INPP5D: variants seen among roughly 807,000 people sequenced by gnomAD.
The protein encoded by INPP5D is phosphatidylinositol 3,4,5-trisphosphate 5-phosphatase 1.
In INPP5D, 33 loss-of-function variants were observed where a neutral mutation model predicts 122.9. That is an observed-to-expected ratio of 0.27 (90% CI 0.20 to 0.36). The LOEUF (loss-of-function observed/expected upper bound fraction) is 0.36. Among genes scored for constraint, INPP5D ranks in the 10% least tolerant of loss-of-function variants. The probability of loss-of-function intolerance (pLI) is 1.00; values close to 1 mark genes in which losing one functional copy is unlikely to be tolerated. For synonymous variants in INPP5D, 584 were observed against 576.2 expected, an observed-to-expected ratio of 1.01 and a Z score of -0.19; for missense variants, 1,053 against 1,412.7, an observed-to-expected ratio of 0.75 and a Z score of 4.08.
At chr2:233,171,785 T>C (rs898385453) in intron 17 of INPP5D, among the ~76,000 whole-genome samples, 2 of 152,200 alleles carry the variant, frequency 1.3e-5, no homozygotes, top group African/African-American at 4.8e-5. Context: ...AAAACAGATA[T>C]GCAACTAGCT....
At chr2:233,186,714 T>C (rs1574796206) in intron 21 of INPP5D, among the ~76,000 whole-genome samples, 2 of 54,300 alleles carry the variant, frequency 3.7e-5, no homozygotes, top group African/African-American at 1.0e-4. Context: ...TTTTTTTTTT[T>C]TTTTTTTTTT....
chr2:233,189,794 G>C lies in INPP5D; in HGVS notation c.2359-56G>C. On this transcript the variant is annotated intron_variant, in intron 21 of 26. Transcript: ENST00000445964. The surrounding 1 kb of genome is among the most constrained non-coding windows in gnomAD (Gnocchi z 5.6). ...TCTTCATCCACTTGTCCACCCACCT[G>C]TCCCCTCACCTGTCCCTTGCCCATC... The C allele has an allele frequency of 1.3e-6, 2 of 1,589,808 alleles. No homozygotes were observed. Among genetic ancestry groups the C allele is most frequent in the Non-Finnish European group, 1.7e-6 (2 of 1,168,672 alleles).
chr2:233,203,558 G>A (rs1219751932), intron 25 of INPP5D, among the ~76,000 whole-genome samples: 1 of 152,076 alleles, frequency 6.6e-6, no homozygotes, highest in Non-Finnish European at 1.5e-5. Flanking sequence ...TTTCACTTGA[G>A]GTGAAATTCA....
At chr2:233,063,791 A>G (rs1038831958) in intron 1 of INPP5D, among the ~76,000 whole-genome samples, 2 of 152,244 alleles carry the variant, frequency 1.3e-5, no homozygotes, top group African/African-American at 4.8e-5. Context: ...TCTTTCAGCC[A>G]GGGGCTCTTC....
intron 5 of INPP5D, chr2:233,133,978 G>C (rs565467444): frequency 2.2e-6 from 1 of 456,394 alleles, no homozygotes; most frequent in Admixed American, 2.4e-5. Context: ...GGCTGGGGGC[G>C]TGCAGATGCT....
intron 19 of INPP5D, 116 bp from the exon 20 acceptor site, chr2:233,184,281 CCTCCCACTAGA>C (rs1412730763): frequency 1.5e-6 from 2 of 1,342,982 alleles, no homozygotes; most frequent in African/African-American, 1.5e-5. Flanking sequence ...CTTTAGTTCT[CCTCCCACTAGA>C]CTCCCACCTT....
chr2:233,070,442 G>GTTT (rs56101050), intron 1 of INPP5D, among the ~76,000 whole-genome samples: 2 of 141,652 alleles, frequency 1.4e-5, no homozygotes, highest in Non-Finnish European at 3.1e-5. Flanking sequence ...GATTCAGCAG[G>GTTT]TTTTTTTTTT....
intron 5 of INPP5D, among the ~76,000 whole-genome samples, chr2:233,132,346 A>T (rs1233252100): frequency 6.6e-6 from 1 of 152,128 alleles, no homozygotes. Flanking sequence ...CTAACACCTC[A>T]ACACTACCTG....
chr2:233,076,263 C>T (rs1333711852), intron 1 of INPP5D: 1 of 152,236 alleles, frequency 6.6e-6, no homozygotes, highest in African/African-American at 2.4e-5. Flanking sequence ...CAGAGTTGAG[C>T]TATCTCCACA....
intron 5 of INPP5D, among the ~76,000 whole-genome samples, chr2:233,136,601 A>G (rs1693472515): frequency 6.6e-6 from 1 of 152,246 alleles, no homozygotes; most frequent in Non-Finnish European, 1.5e-5. Context: ...AGCAAAGTAC[A>G]TGAAATGTTG....
At chr2:233,117,535 C>T (rs1371106337) in intron 2 of INPP5D, among the ~76,000 whole-genome samples, 1 of 152,156 alleles carries the variant, frequency 6.6e-6, no homozygotes, top group Non-Finnish European at 1.5e-5. Flanking sequence ...CACGGGAGGC[C>T]ACAGCGCCTG....
chr2:233,061,463 G>A (rs961172805), intron 1 of INPP5D, among the ~76,000 whole-genome samples: 2 of 152,134 alleles, frequency 1.3e-5, no homozygotes, highest in African/African-American at 4.8e-5. Flanking sequence ...CGGGGCCTCA[G>A]GCAGTGCCGG....
intron 20 of INPP5D, among the ~76,000 whole-genome samples, chr2:233,184,925 G>A (rs922143891): frequency 2.0e-5 from 3 of 151,768 alleles, no homozygotes; most frequent in African/African-American, 7.3e-5. Flanking sequence ...GCCTGTTGTC[G>A]CCCTGGCCCC....
intron 2 of INPP5D, among the ~76,000 whole-genome samples, chr2:233,106,937 C>T (rs1414058907): frequency 6.6e-6 from 1 of 152,180 alleles, no homozygotes; most frequent in Non-Finnish European, 1.5e-5. Context: ...TGTCAATTTT[C>T]CAGCCCTCCA....
intron 2 of INPP5D, among the ~76,000 whole-genome samples, chr2:233,101,173 T>G (rs149494847): frequency 6.6e-6 from 1 of 152,132 alleles, no homozygotes; most frequent in Non-Finnish European, 1.5e-5. Flanking sequence ...GACAACCAGT[T>G]CTCCAGGGAA....
chr2:233,189,871 C>A lies in INPP5D; in HGVS notation c.2380C>A (p.Pro794Thr). Reference protein sequence around the residue: ...LPKLKPIISDPEYLLDQHILI... With the variant: ...LPKLKPIISDTEYLLDQHILI... ...GCAGCTGAAGCCCATTATCTCTGAC[C>A]CTGAGTACCTGCTAGACCAGCACAT... Residue 794 changes from proline to threonine, a missense_variant, in exon 22 of 27, where the codon CCT becomes ACT. By Grantham distance (38) the Pro-to-Thr change is conservative. Coordinates refer to ENST00000445964, the MANE Select transcript of INPP5D (RefSeq NM_001017915.3). The surrounding 1 kb of genome is among the most constrained non-coding windows in gnomAD (Gnocchi z 5.6). The A allele has an allele frequency of 6.2e-7, 1 of 1,613,532 alleles. No individual in the cohort carries two copies. The highest frequency in any genetic ancestry group is 1.7e-5 in the Admixed American group (1 of 59,994).
At chr2:233,152,876 G>A (rs1449501182) in intron 9 of INPP5D, among the ~76,000 whole-genome samples, 1 of 148,140 alleles carries the variant, frequency 6.8e-6, no homozygotes, top group African/African-American at 2.5e-5. Context: ...GGGGGGTGTG[G>A]TGTGATTCCA....
chr2:233,147,646 C>T (rs148325359), intron 9 of INPP5D, 52 bp downstream of exon 9: 1 of 696,388 alleles, frequency 1.4e-6, no homozygotes, highest in African/African-American at 1.8e-5. Context: ...CTGTGGAATT[C>T]CTGCCCTCTC....
At chr2:233,081,886 C>T (rs908822644) in intron 2 of INPP5D, among the ~76,000 whole-genome samples, 13 of 152,184 alleles carry the variant, frequency 8.5e-5, no homozygotes, top group African/African-American at 2.4e-4. Context: ...TCAGCCTCCA[C>T]GGCTTTCTCC....
Sources: gnomAD v4.1 joint callset for allele counts (sites outside exome capture counted in the v4.1 genomes callset) on GRCh38, gnomAD v4.1.1 for gene constraint, Gnocchi (gnomAD v3.1) non-coding constraint, MANE v1.5 for transcripts, NCBI Gene and HGNC (gene_info 2026-07-23, HGNC 2026-07-21) for gene names.